PYY: variants seen among roughly 807,000 people sequenced by gnomAD.
PYY encodes peptide tyrosine tyrosine.
Under a neutral mutation model 10.3 loss-of-function variants are expected in PYY, and 12 were observed. The observed-to-expected ratio is 1.17, with a 90% CI of 0.75 to 1.89. The LOEUF (loss-of-function observed/expected upper bound fraction) is 1.89, where lower values mean the gene tolerates loss of function less well. Among genes scored for constraint, PYY ranks in the 40% most tolerant of loss-of-function variants. PYY has a pLI of 0.00. For synonymous variants in PYY, 66 were observed against 62.0 expected (o/e 1.06, Z -0.30); for missense variants, 141 against 134.0 (o/e 1.05, Z -0.26).
intron 1 of PYY, among the ~76,000 whole-genome samples, chr17:43,968,166 C>T (rs2048766875): frequency 2.0e-5 from 3 of 151,950 alleles, no homozygotes; most frequent in Admixed American, 6.6e-5. Flanking sequence ...GGATCACTTG[C>T]GGGCAGGAGT....
At chr17:43,953,777 T>G in intron 1 of PYY, 73 bp downstream of exon 1, 1 of 268,732 alleles carries the variant, frequency 3.7e-6, no homozygotes, top group Non-Finnish European at 6.9e-6. Context: ...CACCCCCAGC[T>G]TCCACCATCC....
intron 2 of PYY, among the ~76,000 whole-genome samples, chr17:43,964,785 A>G (rs1231068522): frequency 1.3e-5 from 2 of 152,166 alleles, no homozygotes; most frequent in Non-Finnish European, 2.9e-5. Flanking sequence ...TCTGGGCAAC[A>G]AGAGTGAAAG....
At chr17:43,994,985 CG>C (rs1481412449) in intron 1 of PYY, among the ~76,000 whole-genome samples, 4 of 152,186 alleles carry the variant, frequency 2.6e-5, no homozygotes, top group African/African-American at 9.6e-5. Context: ...TTCACTCCGC[CG>C]GTCCCCGCAG....
chr17:43,988,318 C>G (rs959615818), intron 1 of PYY, among the ~76,000 whole-genome samples: 1 of 152,164 alleles, frequency 6.6e-6, no homozygotes, highest in Admixed American at 6.5e-5. Flanking sequence ...GGGAGCTTTA[C>G]GAGCGTAAAA....
At chr17:43,990,432 C>T (rs1464310572) in intron 1 of PYY, among the ~76,000 whole-genome samples, 1 of 128,638 alleles carries the variant, frequency 7.8e-6, no homozygotes, top group South Asian at 2.7e-4. Context: ...GAGCGAGACT[C>T]CATCTCAAAA....
At chr17:43,992,477 G>C (rs935975928) in intron 1 of PYY, among the ~76,000 whole-genome samples, 2 of 152,030 alleles carry the variant, frequency 1.3e-5, no homozygotes, top group Non-Finnish European at 2.9e-5. Flanking sequence ...TTGGGAGGCC[G>C]AGGTGGGCGG....
intron 1 of PYY, among the ~76,000 whole-genome samples, chr17:43,969,515 C>CAAAAAAAA (rs71361552): frequency 2.2e-5 from 2 of 90,412 alleles, no homozygotes; most frequent in Admixed American, 1.3e-4. Context: ...GACTCTGTCT[C>CAAAAAAAA]AAAAAAAAAA....
chr17:43,998,485 G>T (rs748558062), intron 1 of PYY, among the ~76,000 whole-genome samples: 1 of 152,138 alleles, frequency 6.6e-6, no homozygotes, highest in Non-Finnish European at 1.5e-5. Flanking sequence ...TTGAACCTGG[G>T]AGGTGGAGGT....
chr17:43,963,391 C>T (rs199678857), intron 2 of PYY, among the ~76,000 whole-genome samples: 1 of 151,420 alleles, frequency 6.6e-6, no homozygotes, highest in Non-Finnish European at 1.5e-5. Context: ...ACCTGTAATC[C>T]CAGCTACTCA....
upstream of PYY, among the ~76,000 whole-genome samples, chr17:43,956,259 G>A (rs888650207): frequency 1.3e-5 from 2 of 151,982 alleles, no homozygotes; most frequent in East Asian, 1.9e-4. Flanking sequence ...GCACATCCCC[G>A]CAAACCCTCT....
Position 43,952,992 on chromosome 17 carries a change from A to T in PYY, c.270-12T>A. ...CTGGGCCCTCCGACCTGCGGAAGCG[A>T]AGGGGAAGGAATTGGATCTGGGGAG... On this transcript the variant is annotated splice_polypyrimidine_tract_variant and intron_variant, in intron 3 of 3. Coordinates refer to ENST00000692052, the MANE Select transcript of PYY (RefSeq NM_001394028.1). The T allele has an allele frequency of 6.4e-7, 1 of 1,569,548 alleles. No homozygotes were observed. The highest frequency in any genetic ancestry group is 8.6e-7 in the Non-Finnish European group (1 of 1,156,664).
At chr17:43,956,581 G>A (rs1003315562), upstream of PYY, among the ~76,000 whole-genome samples, 1 of 152,012 alleles carries the variant, frequency 6.6e-6, no homozygotes, top group African/African-American at 2.4e-5. Context: ...CAGAATCAAA[G>A]GGGAGGGGAC....
intron 1 of PYY, among the ~76,000 whole-genome samples, chr17:43,999,018 T>A (rs2049008174): frequency 4.0e-5 from 6 of 151,856 alleles, no homozygotes; most frequent in Admixed American, 3.9e-4. Flanking sequence ...CTACACAGGA[T>A]CCCGAGAGAG....
intron 1 of PYY, among the ~76,000 whole-genome samples, chr17:43,986,085 C>A (rs149704574): frequency 6.6e-6 from 1 of 152,260 alleles, no homozygotes; most frequent in Non-Finnish European, 1.5e-5. Flanking sequence ...CATGGTGAAA[C>A]CCCGTCTCTA....
At chr17:43,981,495 T>G (rs1158435216) in intron 1 of PYY, among the ~76,000 whole-genome samples, 3 of 152,042 alleles carry the variant, frequency 2.0e-5, no homozygotes, top group Non-Finnish European at 4.4e-5. Context: ...ATGGTTTTGT[T>G]TGTTTGTTTT....
intron 1 of PYY, among the ~76,000 whole-genome samples, chr17:43,973,151 A>C: frequency 6.7e-6 from 1 of 148,368 alleles, no homozygotes; most frequent in Admixed American, 6.7e-5. Context: ...AAAGTCATTT[A>C]AAAAAAAAAA....
intron 1 of PYY, among the ~76,000 whole-genome samples, chr17:44,001,844 G>T (rs1201122701): frequency 1.3e-5 from 2 of 152,212 alleles, no homozygotes; most frequent in African/African-American, 4.8e-5. Context: ...AAGGAATTCT[G>T]AGTGGAGAGG....
chr17:43,963,567 AGG>A lies in PYY; in HGVS notation c.-218+2719_-218+2720del, dbSNP rs1491338360. On this transcript the variant is annotated intron_variant, in intron 2 of 6. Transcript: ENST00000360085. ...AGGAAGGGAAGGAAGGAAGGAAGGA[AGG>A]AAAAGAAAGAAAGAAAGAAAGAAAG... 4.4e-3 allele frequency among the ~76,000 whole-genome samples: 592 copies of A among 134,270 alleles called. 4 individuals carry two copies. The highest frequency in any genetic ancestry group is 0.015 in the African/African-American group (544 of 35,782). 88.1% of individuals were successfully genotyped at this position (134,270 alleles called of 152,430 possible).
At chr17:43,976,386 T>C (rs2048846831) in intron 1 of PYY, among the ~76,000 whole-genome samples, 1 of 151,010 alleles carries the variant, frequency 6.6e-6, no homozygotes, top group Non-Finnish European at 1.5e-5. Context: ...CACATACATG[T>C]ATACATATAC....
Sources: gnomAD v4.1 joint callset for allele counts (sites outside exome capture counted in the v4.1 genomes callset) on GRCh38, gnomAD v4.1.1 for gene constraint, MANE v1.5 for transcripts, NCBI Gene and HGNC (gene_info 2026-07-23, HGNC 2026-07-21) for gene names.